AGTPBP1: variants seen among roughly 807,000 people sequenced by gnomAD.
AGTPBP1 encodes cytosolic carboxypeptidase 1.
AGTPBP1 carries 70 observed loss-of-function variants against 143.9 expected under a neutral mutation model. That is an observed-to-expected ratio of 0.49 (90% CI 0.40 to 0.59). The LOEUF (loss-of-function observed/expected upper bound fraction) is 0.59. Ranked by LOEUF, AGTPBP1 falls within the 20% of genes least tolerant of loss-of-function variation. The pLI is 0.00. For synonymous variants in AGTPBP1, 463 were observed against 500.2 expected, an observed-to-expected ratio of 0.93 and a Z score of 0.99; for missense variants, 1,229 against 1,464.5, an observed-to-expected ratio of 0.84 and a Z score of 2.62.
At chr9:85,762,418 A>G in the AGTPBP1 span, among the ~76,000 whole-genome samples, 1 of 152,222 alleles carries the variant, frequency 6.6e-6, no homozygotes, top group Non-Finnish European at 1.5e-5. Flanking sequence ...TGGTACATAT[A>G]CACCATGGAA....
Position 85,677,491 on chromosome 9 carries a change from T to TG in AGTPBP1, c.380dup (p.His128ThrfsTer2). ...GAATCTGTACCATTAAGTCCTCATG[T>TG]GGGGGAGATTCTTTGCTGGCATTCA... On this transcript the variant is annotated frameshift_variant, in exon 6 of 26. Coordinates refer to ENST00000357081, the MANE Select transcript of AGTPBP1 (RefSeq NM_001330701.2). LOFTEE classifies it high-confidence loss of function. 6.2e-7 allele frequency: 1 copy of TG among 1,605,504 alleles called. No homozygotes were observed.
At position 85,628,197 on chromosome 9, in the gene AGTPBP1, T is replaced by A. The variant is rs375715437; in HGVS notation, c.2015+4465A>T. On this transcript the variant is annotated intron_variant, in intron 14 of 25. Transcript: ENST00000357081. ...ATTGGGGAAGTCCTATACATCTAAG[T>A]AATATGAATAGAATCATATTGTTTT... 5.3e-5 allele frequency among the ~76,000 whole-genome samples: 8 copies of A among 152,328 alleles called. No individual in the cohort carries two copies. In the East Asian group the frequency reaches 1.3e-3, roughly 26 times the overall value.
rs148133930 is a variant in AGTPBP1, at chr9:85,557,777, A to G, written c.3504-10491T>C. On this transcript the variant is annotated intron_variant, in intron 25 of 25. Transcript: ENST00000357081. ...GTTCCTATATATGTATAAACAAACA[A>G]ATACTAGCTTCACATAAGGAAAATA... Among the ~76,000 whole-genome samples the G allele has an allele frequency of 5.5e-3, 832 of 152,324 alleles. 4 individuals are homozygous for G. Among genetic ancestry groups the G allele is most frequent in the Middle Eastern group, 0.027 (8 of 292 alleles).
the AGTPBP1 span, among the ~76,000 whole-genome samples, chr9:85,767,448 A>C: frequency 6.6e-6 from 1 of 151,820 alleles, no homozygotes; most frequent in Non-Finnish European, 1.5e-5. Context: ...GCCTGGTTCA[A>C]GCGATTTCCC....
At chr9:85,663,417 GATCCC>G (rs1302907130) in intron 8 of AGTPBP1, among the ~76,000 whole-genome samples, 1 of 151,998 alleles carries the variant, frequency 6.6e-6, no homozygotes, top group Non-Finnish European at 1.5e-5. Context: ...ACAGTGCTTT[GATCCC>G]ATCTAACAAA....
chr9:85,671,631 T>C (rs965494521), intron 7 of AGTPBP1, among the ~76,000 whole-genome samples: 1 of 152,206 alleles, frequency 6.6e-6, no homozygotes, highest in African/African-American at 2.4e-5. Flanking sequence ...ACATATATTC[T>C]GCAATTCAAT....
chr9:85,630,405 T>TATTTATTTATTTATTTA (rs1831586783), intron 14 of AGTPBP1, among the ~76,000 whole-genome samples: 2 of 152,096 alleles, frequency 1.3e-5, no homozygotes, highest in African/African-American at 4.8e-5. Context: ...TTTATTTAGT[T>TATTTATTTATTTATTTA]ATTTATTTAT....
At chr9:85,750,524 A>G in the AGTPBP1 span, among the ~76,000 whole-genome samples, 1 of 152,294 alleles carries the variant, frequency 6.6e-6, no homozygotes, top group South Asian at 2.1e-4. Context: ...AAAAATGTAA[A>G]CACTTCCTTT....
chr9:85,569,383 T>C (rs1395401257), intron 25 of AGTPBP1, among the ~76,000 whole-genome samples: 1 of 151,916 alleles, frequency 6.6e-6, no homozygotes, highest in African/African-American at 2.4e-5. Context: ...GCTGAATGAA[T>C]ATACTATATT....
chr9:85,736,744 C>T (rs1162650748), intron 1 of AGTPBP1, among the ~76,000 whole-genome samples: 2 of 152,136 alleles, frequency 1.3e-5, no homozygotes, highest in Admixed American at 6.5e-5. Flanking sequence ...TTGTATAATA[C>T]TAAAATTTAA....
rs778519823 is a variant in AGTPBP1 at position 85,677,431 on chromosome 9, C to T, written c.436+5G>A. 28 of 1,605,350 alleles carry T rather than the reference C, an allele frequency of 1.7e-5. No individual in the cohort carries two copies. The South Asian group carries it at 2.8e-4, about 16-fold the overall frequency. On this transcript the variant is annotated splice_donor_5th_base_variant and intron_variant, in intron 6 of 25. Coordinates refer to ENST00000357081, the MANE Select transcript of AGTPBP1 (RefSeq NM_001330701.2). ...TACAATAATCATACAAATGAAATCC[C>T]TTACCTTTTGGTCCAATCTTTGCAA... is the stretch of plus-strand genomic sequence containing the variant.
At chr9:85,644,431 A>AG (rs1418358387) in intron 12 of AGTPBP1, among the ~76,000 whole-genome samples, 1 of 147,672 alleles carries the variant, frequency 6.8e-6, no homozygotes, top group Admixed American at 6.8e-5. Context: ...CTATTTGGAG[A>AG]GGAAAAAAAA....
intron 8 of AGTPBP1, among the ~76,000 whole-genome samples, chr9:85,663,553 T>C (rs540574444): frequency 1.3e-5 from 2 of 150,314 alleles, no homozygotes; most frequent in South Asian, 2.1e-4. Flanking sequence ...GAATTCACAA[T>C]GACTGGCACT....
intron 9 of AGTPBP1, among the ~76,000 whole-genome samples, chr9:85,659,405 T>C (rs1833720628): frequency 6.6e-6 from 1 of 152,190 alleles, no homozygotes; most frequent in Admixed American, 6.6e-5. Flanking sequence ...AGTAGGCTAC[T>C]AAATTTTATT....
chr9:85,568,113 C>T (rs1827225121), intron 25 of AGTPBP1, among the ~76,000 whole-genome samples: 1 of 152,130 alleles, frequency 6.6e-6, no homozygotes. Flanking sequence ...TAAAATAAGG[C>T]TACTCAAGGT....
intron 14 of AGTPBP1, among the ~76,000 whole-genome samples, chr9:85,626,543 C>A (rs1447020755): frequency 6.6e-6 from 1 of 152,114 alleles, no homozygotes; most frequent in Non-Finnish European, 1.5e-5. Context: ...ATAAGCAAAC[C>A]AGAATTACCA....
chr9:85,745,374 T>C (rs1213097702), upstream of AGTPBP1, among the ~76,000 whole-genome samples: 2 of 152,230 alleles, frequency 1.3e-5, no homozygotes, highest in Admixed American at 6.5e-5. Context: ...TTGATTGTTA[T>C]AACTATTCAA....
intron 15 of AGTPBP1, among the ~76,000 whole-genome samples, chr9:85,620,559 T>C (rs748326095): frequency 6.6e-6 from 1 of 152,176 alleles, no homozygotes; most frequent in Non-Finnish European, 1.5e-5. Context: ...AGAAGGCAGA[T>C]GACTAAATAA....
At chr9:85,778,932 T>G in the AGTPBP1 span, among the ~76,000 whole-genome samples, 15 of 151,928 alleles carry the variant, frequency 9.9e-5, no homozygotes, top group Non-Finnish European at 1.5e-4. Flanking sequence ...GAATCAGGAG[T>G]GTCAAATGCA....
Sources: allele counts gnomAD v4.1 joint callset (sites outside exome capture counted in the v4.1 genomes callset), GRCh38; gene constraint gnomAD v4.1.1; transcripts MANE v1.5; gene names NCBI Gene and HGNC (gene_info 2026-07-23, HGNC 2026-07-21).